The following VAC14 variants were observed in gnomAD, a reference collection of about 807,000 sequenced individuals.
VAC14 encodes VAC14 component of PIKFYVE complex, also known as protein VAC14 homolog.
VAC14 carries 47 observed loss-of-function variants against 85.3 expected under a neutral mutation model. The observed-to-expected ratio is 0.55, with a 90% CI of 0.44 to 0.70. VAC14 has a LOEUF of 0.70. VAC14 is among the 30% of genes least tolerant of loss of function. VAC14 has a pLI of 0.00. For synonymous variants in VAC14, 447 were observed against 430.5 expected (o/e 1.04, Z -0.47); for missense variants, 861 against 1,004.3 (o/e 0.86, Z 1.93).
chr16:70,701,142 C>A (rs1363024080), intron 14 of VAC14, among the ~76,000 whole-genome samples: 2 of 152,172 alleles, frequency 1.3e-5, no homozygotes, highest in Non-Finnish European at 2.9e-5. Flanking sequence ...TGGTTTTCCT[C>A]CCACCTCTCC....
intron 12 of VAC14, among the ~76,000 whole-genome samples, chr16:70,749,548 CTG>C (rs2031204525): frequency 2.0e-5 from 3 of 152,278 alleles, no homozygotes; most frequent in South Asian, 4.1e-4. Flanking sequence ...TGAGACAACA[CTG>C]TGTGCGCTTG....
At chr16:70,773,669 C>T (rs1281717370) in intron 9 of VAC14, among the ~76,000 whole-genome samples, 5 of 152,160 alleles carry the variant, frequency 3.3e-5, no homozygotes, top group African/African-American at 1.2e-4. Flanking sequence ...TTTAGATGTA[C>T]AGAAAAGTTG....
rs2033775787 is a variant in VAC14 at position 70,780,846 on chromosome 16, C to T, written c.1040G>A (p.Arg347Lys). Residue 347 changes from arginine (R) to lysine (K), a missense_variant, in exon 9 of 19, where the codon AGG (arginine) becomes AAG (lysine). Arg to Lys is a conservative substitution (Grantham distance 26). Transcript: ENST00000261776. ...DELDELRPGQ[R>K]QAEPTPDDAL... Reference sequence around the variant, plus strand: ...ATCGTCAGGGGTGGGCTCTGCCTGCCTCTGCCCAGGTCTCAGCTCATCCAG... The same window carrying T: ...ATCGTCAGGGGTGGGCTCTGCCTGCTTCTGCCCAGGTCTCAGCTCATCCAG... 3.7e-6 allele frequency: 6 copies of T among 1,613,958 alleles called. No homozygotes were observed. The highest frequency in any genetic ancestry group is 5.1e-6 in the Non-Finnish European group (6 of 1,179,884).
intron 18 of VAC14, chr16:70,689,328 G>C: frequency 2.0e-6 from 2 of 985,480 alleles, no homozygotes; most frequent in Non-Finnish European, 2.4e-6. Flanking sequence ...TCCAACGTGA[G>C]GCCAGCCGGG....
intron 10 of VAC14, among the ~76,000 whole-genome samples, chr16:70,764,846 T>G (rs931156891): frequency 6.6e-6 from 1 of 152,234 alleles, no homozygotes; most frequent in African/African-American, 2.4e-5. Flanking sequence ...GCCAGGACTT[T>G]CTGAGTGTTT....
At chr16:70,769,981 C>A (rs1265378917) in intron 10 of VAC14, 1 of 152,274 alleles carries the variant, frequency 6.6e-6, no homozygotes. Context: ...AAAAGCTAAG[C>A]CCTCTGCAGG....
intron 1 of VAC14, among the ~76,000 whole-genome samples, chr16:70,796,254 G>C (rs936310684): frequency 1.6e-4 from 24 of 152,244 alleles, no homozygotes; most frequent in African/African-American, 5.8e-4. Flanking sequence ...TTCTGGATCT[G>C]GGGGTCCTTC....
intron 13 of VAC14, among the ~76,000 whole-genome samples, chr16:70,737,761 G>A (rs1295678582): frequency 6.6e-6 from 1 of 152,254 alleles, no homozygotes; most frequent in African/African-American, 2.4e-5. Flanking sequence ...GTTTTGGATT[G>A]AGTTTTGTGG....
intron 12 of VAC14, among the ~76,000 whole-genome samples, chr16:70,753,756 G>A (rs187353717): frequency 2.0e-5 from 3 of 152,200 alleles, no homozygotes; most frequent in African/African-American, 4.8e-5. Flanking sequence ...AGGGAATTCT[G>A]GTGACAGTCC....
chr16:70,781,084 G>C, intron 8 of VAC14, 145 bp from the exon 9 acceptor site: 1 of 1,126,428 alleles, frequency 8.9e-7, no homozygotes, highest in Non-Finnish European at 1.3e-6. Context: ...AAATGGCTTG[G>C]TGCCCTCCCC....
At chr16:70,716,716 C>A (rs370687540) in intron 14 of VAC14, 1 of 152,246 alleles carries the variant, frequency 6.6e-6, no homozygotes, top group East Asian at 1.9e-4. Context: ...AGGTGCTGGG[C>A]CTGCGTCCCA....
intron 14 of VAC14, among the ~76,000 whole-genome samples, chr16:70,717,206 TG>T (rs1046206657): frequency 1.2e-4 from 19 of 152,186 alleles, no homozygotes; most frequent in African/African-American, 4.3e-4. Flanking sequence ...GCCACACTGA[TG>T]GGTCCCATGG....
At chr16:70,768,968 T>C in intron 10 of VAC14, 1 of 209,330 alleles carries the variant, frequency 4.8e-6, no homozygotes, top group South Asian at 4.2e-5. Flanking sequence ...GCCTGGCTAT[T>C]TTTTTTTTTT....
intron 1 of VAC14, among the ~76,000 whole-genome samples, chr16:70,794,232 T>C (rs992541316): frequency 1.3e-5 from 2 of 152,322 alleles, no homozygotes; most frequent in South Asian, 2.1e-4. Flanking sequence ...CCACCGTCAA[T>C]TGTAGAACAT....
At chr16:70,790,189 C>T (rs2034271856) in intron 1 of VAC14, among the ~76,000 whole-genome samples, 1 of 152,150 alleles carries the variant, frequency 6.6e-6, no homozygotes, top group Non-Finnish European at 1.5e-5. Flanking sequence ...AGAAAGAGAA[C>T]GACCCGTGTC....
intron 14 of VAC14, among the ~76,000 whole-genome samples, chr16:70,707,071 A>C (rs2053934393): frequency 6.6e-6 from 1 of 152,190 alleles, no homozygotes; most frequent in Non-Finnish European, 1.5e-5. Context: ...TAACCTTAGG[A>C]TAGGGAGAGG....
chr16:70,709,843 C>A (rs151037509), intron 14 of VAC14, among the ~76,000 whole-genome samples: 6 of 152,298 alleles, frequency 3.9e-5, no homozygotes, highest in African/African-American at 1.4e-4. Flanking sequence ...TGATACATTC[C>A]CTGGCTGACA....
intron 1 of VAC14, among the ~76,000 whole-genome samples, chr16:70,792,459 C>A (rs1158972301): frequency 6.6e-6 from 1 of 152,206 alleles, no homozygotes; most frequent in Non-Finnish European, 1.5e-5. Flanking sequence ...CCACTTCTGC[C>A]TGGTTTCCTC....
At chr16:70,730,599 T>C (rs1477043747) in intron 14 of VAC14, among the ~76,000 whole-genome samples, 3 of 148,640 alleles carry the variant, frequency 2.0e-5, no homozygotes, top group Non-Finnish European at 4.5e-5. Flanking sequence ...CCAGGCTTTT[T>C]TTTTTTTTTT....
Sources: gnomAD v4.1 joint callset for allele counts (sites outside exome capture counted in the v4.1 genomes callset) on GRCh38, gnomAD v4.1.1 for gene constraint, MANE v1.5 for transcripts, NCBI Gene and HGNC (gene_info 2026-07-23, HGNC 2026-07-21) for gene names.